Variants in TOGARAM2 observed in about 807,000 individuals in gnomAD.
TOGARAM2 encodes TOG array regulator of axonemal microtubules protein 2.
TOGARAM2 carries 85 observed loss-of-function variants against 93.3 expected under a neutral mutation model. The ratio of observed to expected loss-of-function variants is 0.91; its 90% CI spans 0.76 to 1.09. TOGARAM2 has a LOEUF of 1.09. Among genes scored for constraint, TOGARAM2 ranks in the 50% least tolerant of loss-of-function variants. TOGARAM2 has a pLI of 0.00. For missense variants in TOGARAM2, 1,277 were observed against 1,334.5 expected, an observed-to-expected ratio of 0.96 and a Z score of 0.67; for synonymous variants, 593 against 552.8, an observed-to-expected ratio of 1.07 and a Z score of -1.02.
intron 18 of TOGARAM2, among the ~76,000 whole-genome samples, chr2:29,042,498 C>T (rs748711260): frequency 1.3e-5 from 2 of 152,172 alleles, no homozygotes; most frequent in African/African-American, 4.8e-5. Context: ...GGTTCCAGCT[C>T]ATGCTGAGGT....
At position 29,008,690 on chromosome 2, in the gene TOGARAM2, C is replaced by T. The variant is rs186924347; in HGVS notation, c.831-2765C>T. ...CAGGCTTGTCCTGAACTCCTGATCTCAGGTGATCTGCCCACCTCGGCCTCC... is the reference window on the plus strand; with the variant it reads ...CAGGCTTGTCCTGAACTCCTGATCTTAGGTGATCTGCCCACCTCGGCCTCC... On this transcript the variant is annotated intron_variant, in intron 6 of 19. Transcript: ENST00000379558. Among the ~76,000 whole-genome samples the T allele has an allele frequency of 2.5e-3, 386 of 151,816 alleles. 2 individuals are homozygous for T. Among genetic ancestry groups the T allele is most frequent in the African/African-American group, 8.6e-3 (355 of 41,352 alleles).
intron 10 of TOGARAM2, among the ~76,000 whole-genome samples, chr2:29,020,297 G>C (rs1174195909): frequency 6.9e-6 from 1 of 145,050 alleles, no homozygotes; most frequent in Non-Finnish European, 1.5e-5. Flanking sequence ...CTGGAAAGTT[G>C]TTTATTGTAA....
At position 28,987,358 on chromosome 2, in the gene TOGARAM2, C is replaced by T. The variant is rs1046457872; in HGVS notation, c.-111+5820C>T. On this transcript the variant is annotated intron_variant, in intron 1 of 19. Transcript: ENST00000379558. The stretch of plus-strand genomic sequence containing the variant: ...AGGCTGGAGTGCAGTGGCATGATCT[C>T]GGTTCACTGCAAACTCCGCCTCCCA... Among the ~76,000 whole-genome samples, 16 of 152,200 alleles carry T rather than the reference C, an allele frequency of 1.1e-4. No homozygotes were observed. In the East Asian group the frequency reaches 1.5e-3, roughly 15 times the overall value.
chr2:29,024,362 C>T lies in TOGARAM2; in HGVS notation c.1841C>T (p.Ser614Leu), dbSNP rs762540396. Residue 614 changes from serine to leucine, a missense_variant, in exon 13 of 20, where the codon TCG becomes TTG. Physicochemically the swap from Ser to Leu is moderately radical, Grantham distance 145 (BLOSUM62 -2). Transcript: ENST00000379558. ...GCCCGCTCCCTGGTGGTCCTCACCT[C>T]GGCGGGTGTCTAGTATGTGGCTGCC... ...TLARSLVVLT[S>L]AGVYHRNPLI... is the part of the protein sequence containing the mutation. The T allele has an allele frequency of 1.6e-5, 25 of 1,598,042 alleles. No homozygotes were observed. The highest frequency in any genetic ancestry group is 1.2e-4 in the South Asian group (11 of 89,154).
chr2:29,004,187 G>T (rs961942045), intron 6 of TOGARAM2, among the ~76,000 whole-genome samples: 5 of 152,100 alleles, frequency 3.3e-5, no homozygotes, highest in Non-Finnish European at 5.9e-5. Context: ...TCAGCATGTT[G>T]GCCAGGCTGG....
At chr2:29,023,055 T>G (rs963726271) in intron 11 of TOGARAM2, 31 bp from the exon 12 acceptor site, 1 of 1,557,378 alleles carries the variant, frequency 6.4e-7, no homozygotes, top group Non-Finnish European at 8.7e-7. Context: ...CTCTCCACCC[T>G]TCTGCAACAG....
Position 28,999,206 on chromosome 2 carries a change from C to T in TOGARAM2, c.165C>T (p.Ala55=), listed in dbSNP as rs774354386. 74 of 1,613,504 alleles carry T rather than the reference C, an allele frequency of 4.6e-5. No homozygotes were observed. Among genetic ancestry groups the T allele is most frequent in the Non-Finnish European group, 5.2e-5 (61 of 1,179,718 alleles). ...GEGSLQPEPR[A]LLNNEEPSQL... ...GTTCTCTCCAGCCTGAGCCAAGAGCCCTGCTGAACAACGAGGAACCGTCAC... is the reference window on the plus strand; with the variant it reads ...GTTCTCTCCAGCCTGAGCCAAGAGCTCTGCTGAACAACGAGGAACCGTCAC... The change falls in exon 4 of 20, where the codon GCC becomes GCT. Residue 55 remains alanine (A), a synonymous_variant. Coordinates refer to ENST00000379558, the MANE Select transcript of TOGARAM2 (RefSeq NM_199280.4).
chr2:28,971,360 C>T (rs914504416), intron 1 of TOGARAM2, among the ~76,000 whole-genome samples: 20 of 152,098 alleles, frequency 1.3e-4, no homozygotes, highest in Non-Finnish European at 2.4e-4. Context: ...TACAGGTGTG[C>T]GCCATCATGC....
intron 18 of TOGARAM2, among the ~76,000 whole-genome samples, chr2:29,039,342 G>C (rs1284439851): frequency 2.0e-5 from 3 of 152,202 alleles, no homozygotes; most frequent in Non-Finnish European, 1.5e-5. Flanking sequence ...AATGTGGAAA[G>C]TCACAAAGCA....
chr2:28,980,408 A>G (rs1672133233), upstream of TOGARAM2, among the ~76,000 whole-genome samples: 1 of 152,210 alleles, frequency 6.6e-6, no homozygotes, highest in Admixed American at 6.5e-5. Flanking sequence ...TGTGTGTTCC[A>G]CACACCTGCT....
At chr2:28,988,054 AGATG>A (rs917195629) in intron 1 of TOGARAM2, among the ~76,000 whole-genome samples, 1 of 152,202 alleles carries the variant, frequency 6.6e-6, no homozygotes, top group African/African-American at 2.4e-5. Flanking sequence ...AAGCTAATAA[AGATG>A]GACATGCAGG....
Position 29,033,474 on chromosome 2 carries a change from A to G in TOGARAM2, c.2136A>G (p.Ile712Met), listed in dbSNP as rs1317312315. The change falls in exon 16 of 20, where the codon ATA becomes ATG. Residue 712 changes from isoleucine to methionine, a missense_variant. Transcript: ENST00000379558. ...TCTGTGTGTATTTTTTCAAGGGAATAGAAGATAATGATGAACTTCCCTCTG... is the reference window on the plus strand; with the variant it reads ...TCTGTGTGTATTTTTTCAAGGGAATGGAAGATAATGATGAACTTCCCTCTG... ...KVMAAIKQQG[I>M]EDNDELPSAK... 7 of 1,612,904 alleles carry G rather than the reference A, an allele frequency of 4.3e-6. No individual in the cohort carries two copies. In the Admixed American group the frequency reaches 8.4e-5, roughly 19 times the overall value.
rs569401699 is a variant in TOGARAM2, at chr2:29,051,432, T to C, written c.2723-324T>C. 14 of 195,636 alleles carry C rather than the reference T, an allele frequency of 7.2e-5. No homozygotes were observed. The East Asian group carries it at 1.9e-3, about 26-fold the overall frequency. The allele number at this position is 195,636 out of a possible 1,614,324, so 12.1% of individuals were successfully genotyped here. A position where few individuals can be genotyped will look rare whatever the true frequency, so the allele number is the denominator to read the frequency against. ...CCTGCCTCTTTCCTGTTCCCTGGGC[T>C]GGAGGAACCATTATGATTGTCAGAG... On this transcript the variant is annotated intron_variant, in intron 19 of 19. Coordinates refer to ENST00000379558, the MANE Select transcript of TOGARAM2 (RefSeq NM_199280.4).
chr2:29,041,228 T>A (rs1329804531), intron 18 of TOGARAM2, among the ~76,000 whole-genome samples: 1 of 152,174 alleles, frequency 6.6e-6, no homozygotes, highest in Non-Finnish European at 1.5e-5. Flanking sequence ...TTCACCATGT[T>A]GGCCAGGCTA....
At chr2:28,991,021 TGTGTGTGTGTGTGTG>T (rs1558406516) in intron 1 of TOGARAM2, among the ~76,000 whole-genome samples, 9 of 150,864 alleles carry the variant, frequency 6.0e-5, no homozygotes, top group South Asian at 2.1e-4. Context: ...TGTGTGTGTG[TGTGTGTGTGTGTGTG>T]TGTGGCTTTT....
chr2:29,008,655 C>T (rs1664032736), intron 6 of TOGARAM2, among the ~76,000 whole-genome samples: 1 of 151,650 alleles, frequency 6.6e-6, no homozygotes, highest in South Asian at 2.1e-4. Flanking sequence ...TGGGCTTTCA[C>T]CATGTTGCCC....
chr2:29,003,013 T>C (rs760488043), intron 5 of TOGARAM2, among the ~76,000 whole-genome samples: 1 of 152,184 alleles, frequency 6.6e-6, no homozygotes, highest in Non-Finnish European at 1.5e-5. Context: ...GTCCTAGAAC[T>C]GGTGGTCCCC....
At chr2:29,027,290 T>C (rs181777528) in intron 14 of TOGARAM2, among the ~76,000 whole-genome samples, 1 of 152,320 alleles carries the variant, frequency 6.6e-6, no homozygotes, top group East Asian at 1.9e-4. Flanking sequence ...AGCACCATTC[T>C]CTGTAAGAAC....
intron 1 of TOGARAM2, among the ~76,000 whole-genome samples, chr2:28,992,263 C>G (rs575596462): frequency 3.3e-5 from 5 of 152,268 alleles, no homozygotes; most frequent in Admixed American, 1.3e-4. Flanking sequence ...ACTGCGCTCA[C>G]GTTAGTCAGG....
Sources: gnomAD v4.1 joint callset for allele counts (sites outside exome capture counted in the v4.1 genomes callset) on GRCh38, gnomAD v4.1.1 for gene constraint, MANE v1.5 for transcripts, NCBI Gene and HGNC (gene_info 2026-07-23, HGNC 2026-07-21) for gene names.